DPF1: variants seen among roughly 807,000 people sequenced by gnomAD.
The protein encoded by DPF1 is zinc finger protein neuro-d4.
Under a neutral mutation model 58.7 loss-of-function variants are expected in DPF1, and 14 were observed. The observed-to-expected ratio is 0.24, with a 90% CI of 0.16 to 0.37. The LOEUF is 0.37. DPF1 is among the 10% of genes least tolerant of loss of function. The pLI is 1.00. For missense variants in DPF1, 345 were observed against 529.9 expected (o/e 0.65, Z 3.43); for synonymous variants, 216 against 216.0 (o/e 1.00, Z 0.00).
chr19:38,226,523 CA>C (rs1967829448), upstream of DPF1, among the ~76,000 whole-genome samples: 1 of 150,590 alleles, frequency 6.6e-6, no homozygotes, highest in Admixed American at 6.6e-5. Flanking sequence ...CACACACACA[CA>C]CACACACACA....
upstream of DPF1, among the ~76,000 whole-genome samples, chr19:38,225,700 G>A (rs1256693427): frequency 1.3e-5 from 2 of 151,904 alleles, no homozygotes; most frequent in African/African-American, 4.8e-5. Flanking sequence ...AACAGCCTGG[G>A]CAACATAGCG....
rs868154359 is a variant in DPF1, at chr19:38,229,462, C to G, written c.-132+97G>C. The G allele has an allele frequency of 4.6e-6, 3 of 649,064 alleles. No homozygotes were observed. Among genetic ancestry groups the G allele is most frequent in the Non-Finnish European group, 2.0e-6 (1 of 510,994 alleles). 40.2% of individuals were successfully genotyped at this position (649,064 alleles called of 1,614,324 possible). On this transcript the variant is annotated intron_variant, in intron 1 of 11. Coordinates refer to the DPF1 transcript ENST00000412732. The surrounding 1 kb of genome is among the most constrained non-coding windows in gnomAD (Gnocchi z 5.3). ...TGGGGGCCCCCATTCAACTACGGTC[C>G]GCGCGCTGCGTCCCCCTCCTCAGCC...
intron 3 of DPF1, chr19:38,220,005 C>A (rs1967325188): frequency 6.7e-6 from 1 of 149,682 alleles, no homozygotes; most frequent in Admixed American, 6.7e-5. Flanking sequence ...CATGGTAAAA[C>A]CTCATCTCTA....
At chr19:38,227,400 A>G (rs1322983116), upstream of DPF1, among the ~76,000 whole-genome samples, 3 of 151,576 alleles carry the variant, frequency 2.0e-5, no homozygotes, top group African/African-American at 4.8e-5. Context: ...ATCTACCCAC[A>G]GACGCAGGCT....
intron 7 of DPF1, chr19:38,217,248 C>T: frequency 1.6e-6 from 1 of 640,118 alleles, no homozygotes; most frequent in South Asian, 1.9e-5. Context: ...AAATCAGACC[C>T]AGAAATATTA....
At position 38,216,148 on chromosome 19, in the gene DPF1, C is replaced by T; in HGVS notation, c.890G>A (p.Gly297Glu). ...CAGGTGGGGAGCATCACCTGATCGC[C>T]CACAGTCCGCACAGGAGATGAGGTC... ...PEDLISCADC[G>E]RSGHPSCLQF... The change falls in exon 9 of 12, where the codon GGG becomes GAG. Residue 297 changes from glycine (G) to glutamate (E), a missense_variant. Coordinates refer to ENST00000355526, the MANE Select transcript of DPF1 (RefSeq NM_001135155.3). The T allele has an allele frequency of 6.2e-7, 1 of 1,613,304 alleles. No individual in the cohort carries two copies. The highest frequency in any genetic ancestry group is 8.5e-7 in the Non-Finnish European group (1 of 1,179,582).
In DPF1 at chr19:38,217,605, G is replaced by C. The variant is rs770848427; in HGVS notation, c.596-14C>G. On this transcript the variant is annotated splice_polypyrimidine_tract_variant and intron_variant, in intron 6 of 11. Transcript: ENST00000355526. ...GTTTCCCACAGACTGGGGAGCGAGC[G>C]AGCCAGGAGGGCCTGTCAGCCCCTC... 8.4e-6 allele frequency: 13 copies of C among 1,540,336 alleles called. No individual in the cohort carries two copies. Among genetic ancestry groups the C allele is most frequent in the Admixed American group, 2.0e-5 (1 of 50,380 alleles).
In DPF1 at chr19:38,212,032, C is replaced by T. The variant is rs1200736270; in HGVS notation, c.*31G>A. ...GCTCGGAGAGGCAGGTAGGCGAGCA[C>T]CACCCCAGAGTCGCGGCGAGCCGAG... On this transcript the variant is annotated 3_prime_UTR_variant, in exon 12 of 12. Coordinates refer to ENST00000355526, the MANE Select transcript of DPF1 (RefSeq NM_001135155.3). The T allele has an allele frequency of 1.3e-6, 2 of 1,599,868 alleles. No homozygotes were observed. The highest frequency in any genetic ancestry group is 1.7e-6 in the Non-Finnish European group (2 of 1,175,416).
chr19:38,214,364 G>A (rs1208985867), intron 9 of DPF1, among the ~76,000 whole-genome samples: 1 of 152,132 alleles, frequency 6.6e-6, no homozygotes, highest in Admixed American at 6.5e-5. Context: ...ACGACCCATG[G>A]CGCCCGCCCC....
upstream of DPF1, among the ~76,000 whole-genome samples, chr19:38,226,844 C>T (rs900134678): frequency 3.7e-4 from 57 of 152,214 alleles, no homozygotes; most frequent in African/African-American, 1.3e-3. Context: ...GCCTCAGACA[C>T]GCAGACTCAC....
Position 38,229,675 on chromosome 19 carries a change from C to A in DPF1, c.-248G>T. 1 of 568,228 alleles carries A rather than the reference C, an allele frequency of 1.8e-6. No individual in the cohort carries two copies. Among genetic ancestry groups the A allele is most frequent in the Non-Finnish European group, 2.2e-6 (1 of 448,780 alleles). 35.2% of individuals were successfully genotyped at this position (568,228 alleles called of 1,614,324 possible). A position where few individuals can be genotyped will look rare whatever the true frequency, so the allele number is the denominator to read the frequency against. On this transcript the variant is annotated 5_prime_UTR_variant, in exon 1 of 12. Coordinates refer to the DPF1 transcript ENST00000412732. The surrounding 1 kb of genome is among the most constrained non-coding windows in gnomAD (Gnocchi z 5.3). ...GCCCGGCCTGCGCCGCCCGCTCTGC[C>A]GCCCAGCGCGCTACGATTTCATTCA...
At chr19:38,218,398 T>A (rs1967196630) in intron 5 of DPF1, among the ~76,000 whole-genome samples, 175 bp downstream of exon 5, 1 of 152,124 alleles carries the variant, frequency 6.6e-6, no homozygotes. Context: ...CAGATGAGCC[T>A]CAGTTTCCTC....
rs1296280071 is a variant in DPF1, at chr19:38,218,563, G to C, written c.516+10C>G. 1 of 1,613,758 alleles carries C rather than the reference G, an allele frequency of 6.2e-7. No homozygotes were observed. The highest frequency in any genetic ancestry group is 1.7e-5 in the Admixed American group (1 of 60,022). On this transcript the variant is annotated intron_variant, in intron 5 of 11. Coordinates refer to ENST00000355526, the MANE Select transcript of DPF1 (RefSeq NM_001135155.3). ...GGGGAGCGGGGAAGAGGAGAAGCTT[G>C]GGGTGATACCTTTCCTTTGGCCCTG... is the stretch of plus-strand genomic sequence containing the variant.
chr19:38,216,533 A>C, intron 7 of DPF1, 130 bp from the exon 8 acceptor site: 1 of 1,091,828 alleles, frequency 9.2e-7, no homozygotes, highest in Non-Finnish European at 1.3e-6. Context: ...AGCTACCCCA[A>C]GCTGTGGGGA....
rs1973431161 is a variant in DPF1 at position 38,211,712 on chromosome 19, T to C, written c.*351A>G. Reference sequence around the variant, plus strand: ...TTCTTTTCTTTTCTTCTTTTTTTTTTTTTTAACTTTTTGTCTTTTTCTTTA... The same window carrying C: ...TTCTTTTCTTTTCTTCTTTTTTTTTCTTTTAACTTTTTGTCTTTTTCTTTA... On this transcript the variant is annotated 3_prime_UTR_variant, in exon 12 of 12. Coordinates refer to ENST00000355526, the MANE Select transcript of DPF1 (RefSeq NM_001135155.3). This position sits in a 1 kb window ranked among gnomAD's most constrained non-coding sequence, Gnocchi z 4.0. The C allele has an allele frequency of 4.4e-6, 1 of 226,592 alleles. No individual in the cohort carries two copies. The highest frequency in any genetic ancestry group is 2.3e-5 in the African/African-American group (1 of 43,846). 14.0% of individuals were successfully genotyped at this position (226,592 alleles called of 1,614,324 possible).
intron 3 of DPF1, among the ~76,000 whole-genome samples, chr19:38,221,659 G>T (rs1248393335): frequency 6.6e-6 from 1 of 152,022 alleles, no homozygotes; most frequent in East Asian, 1.9e-4. Flanking sequence ...CAATACCACT[G>T]GGACCCTTGG....
rs368722142 is a variant in DPF1 at position 38,229,290 on chromosome 19, G to A, written c.-132+269C>T. On this transcript the variant is annotated intron_variant, in intron 1 of 11. Transcript: ENST00000412732. The surrounding 1 kb of genome is among the most constrained non-coding windows in gnomAD (Gnocchi z 5.3). The stretch of plus-strand genomic sequence containing the variant: ...AAACCCCTACCCCCACTCTGGGTGG[G>A]GAAACGGCCTCCGCCACCCCCAGCC... Among the ~76,000 whole-genome samples, 5 of 152,158 alleles carry A rather than the reference G, an allele frequency of 3.3e-5. No homozygotes were observed. The highest frequency in any genetic ancestry group is 3.3e-4 in the Admixed American group (5 of 15,290).
In DPF1 at chr19:38,222,455, G is replaced by A. The variant is rs895216258; in HGVS notation, c.200C>T (p.Pro67Leu). 1.1e-5 allele frequency: 18 copies of A among 1,583,828 alleles called. No homozygotes were observed. Among genetic ancestry groups the A allele is most frequent in the Non-Finnish European group, 1.5e-5 (17 of 1,170,896 alleles). Residue 67 changes from proline to leucine, a missense_variant, in exon 3 of 12, where the codon CCG becomes CTG. Physicochemically the swap from Pro to Leu is moderately conservative, Grantham distance 98. Coordinates refer to ENST00000355526, the MANE Select transcript of DPF1 (RefSeq NM_001135155.3). This position sits in a 1 kb window ranked among gnomAD's most constrained non-coding sequence, Gnocchi z 4.9. ...EKTHRGPGLA[P>L]GQIYTYPARC... ...GGCGGGGTACGTGTAAATCTGTCCCGGGGCCAAACCTGGAGAGAGAGGGGG... is the reference window on the plus strand; with the variant it reads ...GGCGGGGTACGTGTAAATCTGTCCCAGGGCCAAACCTGGAGAGAGAGGGGG...
rs551910908 is a variant in DPF1, at chr19:38,221,336, G to A, written c.298+1021C>T. 7.2e-5 allele frequency among the ~76,000 whole-genome samples: 11 copies of A among 151,846 alleles called. No homozygotes were observed. The East Asian group carries it at 1.4e-3, about 19-fold the overall frequency. On this transcript the variant is annotated intron_variant, in intron 3 of 11. Transcript: ENST00000355526. The stretch of plus-strand genomic sequence containing the variant: ...GTGGATCACCTGAGGTCAGGAGTTC[G>A]AGACCAGCCTGGCCAACATGGTGAA...
Sources: allele counts gnomAD v4.1 joint callset (sites outside exome capture counted in the v4.1 genomes callset), GRCh38; gene constraint gnomAD v4.1.1; non-coding constraint Gnocchi (gnomAD v3.1); transcripts MANE v1.5; gene names NCBI Gene and HGNC (gene_info 2026-07-23, HGNC 2026-07-21).